The following KIF1C variants were observed in gnomAD, a reference collection of about 807,000 sequenced individuals.
The protein encoded by KIF1C is kinesin family member 1C.
In KIF1C, 61 loss-of-function variants were observed where a neutral mutation model predicts 126.5. The ratio of observed to expected loss-of-function variants is 0.48; its 90% CI spans 0.39 to 0.60. The LOEUF (loss-of-function observed/expected upper bound fraction) is 0.60. Ranked by LOEUF, KIF1C falls within the 20% of genes least tolerant of loss-of-function variation. The pLI is 0.00. For synonymous variants in KIF1C, 640 were observed against 580.6 expected (o/e 1.10, Z -1.47); for missense variants, 1,315 against 1,489.2 (o/e 0.88, Z 1.93).
rs372234383 is a variant in KIF1C at position 5,018,703 on chromosome 17, CAAAAAAA to C, written c.1667-1287_1667-1281del. On this transcript the variant is annotated intron_variant, in intron 18 of 22. Transcript: ENST00000320785. ...CTCCAACAAGAGTGAAACTCCATCT[CAAAAAAA>C]AAAAAGAAAAAAGAAAAGCCATCCA... Among the ~76,000 whole-genome samples, 95 of 133,010 alleles carry C rather than the reference CAAAAAAA, an allele frequency of 7.1e-4. 1 individual carries two copies. Among genetic ancestry groups the C allele is most frequent in the East Asian group, 1.1e-3 (5 of 4,576 alleles). 87.3% of individuals were successfully genotyped at this position (133,010 alleles called of 152,430 possible). A position where few individuals can be genotyped will look rare whatever the true frequency, so the allele number is the denominator to read the frequency against.
rs1448831652 is a variant in KIF1C at position 5,026,046 on chromosome 17, G to A, written c.*1895G>A. 6.6e-6 allele frequency: 1 copy of A among 152,174 alleles called. No individual in the cohort carries two copies. The allele number at this position is 152,174 out of a possible 1,614,324, so 9.4% of individuals were successfully genotyped here. On this transcript the variant is annotated 3_prime_UTR_variant, in exon 23 of 23. Coordinates refer to ENST00000320785, the MANE Select transcript of KIF1C (RefSeq NM_006612.6). Reference sequence around the variant, plus strand: ...ACTGCTTCACAGCTTCCTGGGGTCAGTCTCCAGCCAAAACCATAGATATCC... The same window carrying A: ...ACTGCTTCACAGCTTCCTGGGGTCAATCTCCAGCCAAAACCATAGATATCC...
chr17:5,000,157 G>T, intron 2 of KIF1C, 63 bp from the exon 3 acceptor site: 1 of 883,236 alleles, frequency 1.1e-6, no homozygotes. Flanking sequence ...GGAAGAAGCT[G>T]GGAGGCAATG....
chr17:5,020,891 A>T lies in KIF1C; in HGVS notation c.2010+13A>T. ...GCAGCAGCGACTGGTGAGGGGCAGC[A>T]GGGGCTGGGGATGGGCTGATGGGCA... On this transcript the variant is annotated intron_variant, in intron 21 of 22. Coordinates refer to ENST00000320785, the MANE Select transcript of KIF1C (RefSeq NM_006612.6). The surrounding 1 kb of genome is among the most constrained non-coding windows in gnomAD (Gnocchi z 5.8). 1 of 1,568,104 alleles carries T rather than the reference A, an allele frequency of 6.4e-7. No homozygotes were observed. Among genetic ancestry groups the T allele is most frequent in the Non-Finnish European group, 8.6e-7 (1 of 1,156,292 alleles).
Position 4,998,144 on chromosome 17 carries a change from C to T in KIF1C, c.-161C>T, listed in dbSNP as rs941375429. On this transcript the variant is annotated 5_prime_UTR_variant, in exon 1 of 23. Coordinates refer to ENST00000320785, the MANE Select transcript of KIF1C (RefSeq NM_006612.6). Reference sequence around the variant, plus strand: ...TCTCCGCCGAGCTGCTCCGGGAGCCCCGCCGCGCCGAGGTGAGGGCTGGGG... The same window carrying T: ...TCTCCGCCGAGCTGCTCCGGGAGCCTCGCCGCGCCGAGGTGAGGGCTGGGG... 5 of 152,320 alleles carry T rather than the reference C, an allele frequency of 3.3e-5. No homozygotes were observed. Among genetic ancestry groups the T allele is most frequent in the African/African-American group, 1.2e-4 (5 of 41,458 alleles). The allele number at this position is 152,320 out of a possible 1,614,324, so 9.4% of individuals were successfully genotyped here. A position where few individuals can be genotyped will look rare whatever the true frequency, so the allele number is the denominator to read the frequency against.
Position 5,026,449 on chromosome 17 carries a change from A to G in KIF1C, c.*2298A>G, listed in dbSNP as rs1975209337. The G allele has an allele frequency of 6.6e-6, 1 of 152,146 alleles. No homozygotes were observed. Among genetic ancestry groups the G allele is most frequent in the Admixed American group, 6.6e-5 (1 of 15,254 alleles). 9.4% of individuals were successfully genotyped at this position (152,146 alleles called of 1,614,324 possible). On this transcript the variant is annotated 3_prime_UTR_variant, in exon 23 of 23. Coordinates refer to ENST00000320785, the MANE Select transcript of KIF1C (RefSeq NM_006612.6). Reference sequence around the variant, plus strand: ...CTTATGTAAATGTATATTATCCATAATTTTAAAAATCCACTTATGGCTGGG... The same window carrying G: ...CTTATGTAAATGTATATTATCCATAGTTTTAAAAATCCACTTATGGCTGGG...
Position 5,024,389 on chromosome 17 carries a change from C to T in KIF1C, c.*238C>T. The T allele has an allele frequency of 4.6e-6, 2 of 430,562 alleles. No homozygotes were observed. Among genetic ancestry groups the T allele is most frequent in the Non-Finnish European group, 8.2e-6 (2 of 243,040 alleles). The allele number at this position is 430,562 out of a possible 1,614,324, so 26.7% of individuals were successfully genotyped here. On this transcript the variant is annotated 3_prime_UTR_variant, in exon 23 of 23. Coordinates refer to ENST00000320785, the MANE Select transcript of KIF1C (RefSeq NM_006612.6). ...GAGAGATAGGAAGCTGCCTCGGGGCCACCCCTTGCAAAGGGGGTGTGTCCC... is the reference window on the plus strand; with the variant it reads ...GAGAGATAGGAAGCTGCCTCGGGGCTACCCCTTGCAAAGGGGGTGTGTCCC...
chr17:5,003,568 C>T (rs1028239895), intron 8 of KIF1C, 44 bp from the exon 9 acceptor site: 6 of 1,414,764 alleles, frequency 4.2e-6, no homozygotes, highest in Non-Finnish European at 5.9e-6. Context: ...CCTGCCCCGT[C>T]CCCCACCCGC....
intron 21 of KIF1C, among the ~76,000 whole-genome samples, chr17:5,021,350 A>G (rs1975088312): frequency 6.6e-6 from 1 of 151,278 alleles, no homozygotes; most frequent in African/African-American, 2.4e-5. Flanking sequence ...TAATTATTGT[A>G]TTTTTAGTAG....
At chr17:5,018,056 C>T (rs1464358109) in intron 18 of KIF1C, among the ~76,000 whole-genome samples, 1 of 152,268 alleles carries the variant, frequency 6.6e-6, no homozygotes, top group Non-Finnish European at 1.5e-5. Context: ...TCATGGTTCA[C>T]TGTAGCCTCA....
intron 12 of KIF1C, 71 bp downstream of exon 12, chr17:5,004,716 C>A: frequency 1.3e-6 from 2 of 1,585,250 alleles, no homozygotes; most frequent in Non-Finnish European, 8.7e-7. Context: ...GCGAGTTGCT[C>A]AGGACCCTGC....
In KIF1C at chr17:5,023,788, C is replaced by A; in HGVS notation, c.2949C>A (p.Ser983Arg). Reference protein sequence around the residue: ...HDCKLRFPFKSNPQHRESWPG... With the variant: ...HDCKLRFPFKRNPQHRESWPG... The stretch of plus-strand genomic sequence containing the variant: ...GCAAGCTACGCTTCCCCTTCAAGAG[C>A]AACCCCCAGCACCGGGAGTCTTGGC... Residue 983 changes from serine (S) to arginine (R), a missense_variant, in exon 23 of 23, where the codon AGC (serine) becomes AGA (arginine). Transcript: ENST00000320785. This position sits in a 1 kb window ranked among gnomAD's most constrained non-coding sequence, Gnocchi z 4.2. The A allele has an allele frequency of 1.3e-6, 2 of 1,520,806 alleles. No individual in the cohort carries two copies. The highest frequency in any genetic ancestry group is 1.8e-6 in the Non-Finnish European group (2 of 1,136,860). 94.2% of individuals were successfully genotyped at this position (1,520,806 alleles called of 1,614,324 possible). A position where few individuals can be genotyped will look rare whatever the true frequency, so the allele number is the denominator to read the frequency against.
rs781761447 is a variant in KIF1C, at chr17:5,007,283, T to A, written c.1356T>A (p.Ala452=). ...CCCAGGAGACAGAGAAGATTATAGC[T>A]GAGCTGAACGAGACATGGGAGGAGA... is the stretch of plus-strand genomic sequence containing the variant. The part of the protein sequence containing the change: ...ERLQETEKII[A]ELNETWEEKL... Residue 452 remains alanine (A), a synonymous_variant, in exon 15 of 23, where the codon GCT becomes GCA. Transcript: ENST00000320785. The A allele has an allele frequency of 1.2e-5, 19 of 1,610,688 alleles. No individual in the cohort carries two copies. The East Asian group carries it at 3.6e-4, about 30-fold the overall frequency.
At chr17:5,021,976 T>G (rs1236023199) in intron 21 of KIF1C, 116 bp from the exon 22 acceptor site, 4 of 1,217,724 alleles carry the variant, frequency 3.3e-6, no homozygotes, top group Non-Finnish European at 4.6e-6. Flanking sequence ...GGAGCAGGAC[T>G]TGAACCCAGG....
chr17:5,002,761 C>T lies in KIF1C; in HGVS notation c.639C>T (p.Thr213=), dbSNP rs147802700. Residue 213 remains threonine, a synonymous_variant, in exon 8 of 23, where the codon ACC becomes ACT. Coordinates refer to ENST00000320785, the MANE Select transcript of KIF1C (RefSeq NM_006612.6). ...RTVAATNMNE[T]SSRSHAVFTI... The stretch of plus-strand genomic sequence containing the variant: ...TGGCTGCCACCAACATGAATGAGAC[C>T]AGCAGCCGTTCCCATGCCGTCTTTA... The T allele has an allele frequency of 9.9e-6, 16 of 1,613,970 alleles. No individual in the cohort carries two copies. Among genetic ancestry groups the T allele is most frequent in the African/African-American group, 1.3e-5 (1 of 74,908 alleles).
At chr17:5,001,930 A>G in intron 5 of KIF1C, 129 bp from the exon 6 acceptor site, 1 of 795,302 alleles carries the variant, frequency 1.3e-6, no homozygotes, top group Non-Finnish European at 2.1e-6. Context: ...TGAAATGGGA[A>G]TAACCCCTCC....
Position 5,002,797 on chromosome 17 carries a change from C to T in KIF1C, c.675C>T (p.Phe225=), listed in dbSNP as rs1726205277. 2 of 1,613,814 alleles carry T rather than the reference C, an allele frequency of 1.2e-6. No homozygotes were observed. Among genetic ancestry groups the T allele is most frequent in the Admixed American group, 1.7e-5 (1 of 59,982 alleles). ...SRSHAVFTIV[F]TQRCHDQLTG... is the part of the protein sequence containing the mutation. ...CCCATGCCGTCTTTACCATCGTCTTCACACAGCGCTGCCATGACCAGCTCA... is the reference window on the plus strand; with the variant it reads ...CCCATGCCGTCTTTACCATCGTCTTTACACAGCGCTGCCATGACCAGCTCA... Residue 225 remains phenylalanine (F), a synonymous_variant, in exon 8 of 23, where the codon TTC becomes TTT. Transcript: ENST00000320785.
chr17:5,013,759 G>A (rs764731682), intron 17 of KIF1C, 27 bp downstream of exon 17: 5 of 1,586,846 alleles, frequency 3.2e-6, no homozygotes, highest in South Asian at 1.1e-5. Flanking sequence ...GGCCTGGGGG[G>A]CAGCCTCTGC....
At chr17:5,016,525 A>G (rs897736130) in intron 18 of KIF1C, among the ~76,000 whole-genome samples, 16 of 151,662 alleles carry the variant, frequency 1.1e-4, no homozygotes, top group African/African-American at 3.9e-4. Context: ...TGCCAGGATT[A>G]CAGGCGTGAG....
rs756493686 is a variant in KIF1C at position 5,002,483 on chromosome 17, A to G, written c.449A>G (p.Tyr150Cys). ...YSVEVSYMEI[Y>C]CERVRDLLNP... ...ACTCAGGTGAGCTATATGGAGATCTACTGTGAGCGGGTACGAGACCTCTTG... is the reference window on the plus strand; with the variant it reads ...ACTCAGGTGAGCTATATGGAGATCTGCTGTGAGCGGGTACGAGACCTCTTG... Residue 150 changes from tyrosine (Y) to cysteine (C), a missense_variant, in exon 7 of 23, where the codon TAC (tyrosine) becomes TGC (cysteine). Transcript: ENST00000320785. The G allele has an allele frequency of 1.0e-5, 16 of 1,606,820 alleles. No individual in the cohort carries two copies. Among genetic ancestry groups the G allele is most frequent in the African/African-American group, 1.3e-5 (1 of 74,692 alleles).
Sources: gnomAD v4.1 joint callset for allele counts (sites outside exome capture counted in the v4.1 genomes callset) on GRCh38, gnomAD v4.1.1 for gene constraint, Gnocchi (gnomAD v3.1) non-coding constraint, MANE v1.5 for transcripts, NCBI Gene and HGNC (gene_info 2026-07-23, HGNC 2026-07-21) for gene names.